The following RAD54L variants were observed in gnomAD, a reference collection of about 807,000 sequenced individuals.
The protein encoded by RAD54L is DNA repair and recombination protein RAD54-like.
RAD54L carries 74 observed loss-of-function variants against 91.6 expected under a neutral mutation model. The observed-to-expected ratio is 0.81, with a 90% CI of 0.67 to 0.98. The LOEUF is 0.98. RAD54L is among the 50% of genes least tolerant of loss of function. The pLI is 0.00. For missense variants in RAD54L, 887 were observed against 945.7 expected, an observed-to-expected ratio of 0.94 and a Z score of 0.81; for synonymous variants, 304 against 349.7, an observed-to-expected ratio of 0.87 and a Z score of 1.46.
intron 11 of RAD54L, 34 bp downstream of exon 11, chr1:46,272,574 C>G (rs752088111): frequency 6.2e-7 from 1 of 1,609,494 alleles, no homozygotes; most frequent in Non-Finnish European, 8.5e-7. Context: ...TGGAGTGGGT[C>G]AAAGCCTAGC....
intron 9 of RAD54L, among the ~76,000 whole-genome samples, chr1:46,268,831 TC>T (rs1321999133): frequency 1.3e-5 from 2 of 152,202 alleles, no homozygotes; most frequent in African/African-American, 4.8e-5. Flanking sequence ...AGCGTTGCAG[TC>T]ATAGCTCACT....
chr1:46,257,143 C>CA (rs576146179), intron 3 of RAD54L, among the ~76,000 whole-genome samples: 989 of 52,100 alleles, frequency 0.019, 7 homozygotes, highest in East Asian at 0.027. Context: ...GACTCCATCT[C>CA]AAAAAAAAAA....
In RAD54L at chr1:46,263,968, T is replaced by C. The variant is rs1408748438; in HGVS notation, c.891+2583T>C. The stretch of plus-strand genomic sequence containing the variant: ...GTGCACCACCACTCTGGCTAATTTT[T>C]GTATTTTTAGTAGAGATGGGGTTTC... On this transcript the variant is annotated intron_variant, in intron 8 of 17. Coordinates refer to ENST00000371975, the MANE Select transcript of RAD54L (RefSeq NM_003579.4). This position sits in a 1 kb window ranked among gnomAD's most constrained non-coding sequence, Gnocchi z 4.3. Among the ~76,000 whole-genome samples, 1 of 152,170 alleles carries C rather than the reference T, an allele frequency of 6.6e-6. No individual in the cohort carries two copies. Among genetic ancestry groups the C allele is most frequent in the Non-Finnish European group, 1.5e-5 (1 of 68,026 alleles).
Position 46,260,873 on chromosome 1 carries a change from G to A in RAD54L, c.624G>A (p.Lys208=). The change falls in exon 7 of 18, where the codon AAG becomes AAA. Residue 208 remains lysine, a synonymous_variant. Transcript: ENST00000371975. Reference sequence around the variant, plus strand: ...TTTTACGCCAGAGTCCAGAGTGCAAGCCAGAAATTGACAAGGCAGTGGTGG... The same window carrying A: ...TTTTACGCCAGAGTCCAGAGTGCAAACCAGAAATTGACAAGGCAGTGGTGG... The part of the protein sequence containing the change: ...WTLLRQSPEC[K]PEIDKAVVVS... 3.1e-6 allele frequency: 5 copies of A among 1,614,246 alleles called. No individual in the cohort carries two copies. The highest frequency in any genetic ancestry group is 4.2e-6 in the Non-Finnish European group (5 of 1,180,050).
At chr1:46,262,769 TG>T (rs1477528894) in intron 8 of RAD54L, among the ~76,000 whole-genome samples, 1 of 152,142 alleles carries the variant, frequency 6.6e-6, no homozygotes, top group East Asian at 1.9e-4. Flanking sequence ...GACATTTTTT[TG>T]CTTGACTAGT....
At chr1:46,256,895 G>C (rs901287360) in intron 3 of RAD54L, among the ~76,000 whole-genome samples, 1 of 152,018 alleles carries the variant, frequency 6.6e-6, no homozygotes, top group Non-Finnish European at 1.5e-5. Flanking sequence ...TATAATCCCA[G>C]CACTTTGGGA....
At chr1:46,269,287 A>T (rs1019007660) in intron 9 of RAD54L, among the ~76,000 whole-genome samples, 2 of 148,926 alleles carry the variant, frequency 1.3e-5, no homozygotes, top group Non-Finnish European at 3.0e-5. Context: ...GATATCCATT[A>T]GTGTGAATAT....
chr1:46,271,219 TG>T (rs1362839157), intron 10 of RAD54L, among the ~76,000 whole-genome samples: 2 of 152,128 alleles, frequency 1.3e-5, no homozygotes, highest in Admixed American at 1.3e-4. Flanking sequence ...GACTTTTTCA[TG>T]GGAGTTACAT....
chr1:46,259,361 C>A (rs1021950546), intron 4 of RAD54L, among the ~76,000 whole-genome samples: 2 of 152,116 alleles, frequency 1.3e-5, no homozygotes, highest in Admixed American at 6.5e-5. Flanking sequence ...TGAAAGTGCC[C>A]TTTAGAATTT....
At chr1:46,252,152 G>T (rs1386243420) in intron 3 of RAD54L, among the ~76,000 whole-genome samples, 2 of 152,160 alleles carry the variant, frequency 1.3e-5, no homozygotes, top group African/African-American at 2.4e-5. Flanking sequence ...AGAAGGAACA[G>T]CTTATTGGAA....
Position 46,267,526 on chromosome 1 carries a change from G to T in RAD54L, c.959G>T (p.Arg320Leu). The T allele has an allele frequency of 1.2e-6, 2 of 1,613,954 alleles. No homozygotes were observed. The highest frequency in any genetic ancestry group is 1.6e-4 in the Middle Eastern group (1 of 6,062). ...QALDSLNTSR[R>L]VLISGTPIQN... ...CTGGACAGCTTGAACACCAGCCGGC[G>T]GGTGCTCATCTCCGGAACTCCCATC... The change falls in exon 9 of 18, where the codon CGG becomes CTG. Residue 320 changes from arginine to leucine, a missense_variant. Coordinates refer to ENST00000371975, the MANE Select transcript of RAD54L (RefSeq NM_003579.4).
rs1394876286 is a variant in RAD54L, at chr1:46,270,567, G to T, written c.1043-92G>T. The T allele has an allele frequency of 4.6e-6, 7 of 1,535,146 alleles. No individual in the cohort carries two copies. The East Asian group carries it at 1.4e-4, about 30-fold the overall frequency. ...GTTTAGCCTTGTTCTTGGTAGGAAG[G>T]CTGGTTTGTGAGAAGGTAGTCTGCC... On this transcript the variant is annotated intron_variant, in intron 9 of 17. Coordinates refer to ENST00000371975, the MANE Select transcript of RAD54L (RefSeq NM_003579.4).
At chr1:46,271,902 G>A (rs1326502349) in intron 10 of RAD54L, among the ~76,000 whole-genome samples, 1 of 151,966 alleles carries the variant, frequency 6.6e-6, no homozygotes, top group Admixed American at 6.6e-5. Flanking sequence ...GTCTTCTCTT[G>A]AAGACTAGGC....
chr1:46,274,552 C>G lies in RAD54L; in HGVS notation c.1704C>G (p.Val568=). The change falls in exon 16 of 18, where the codon GTC becomes GTG. Residue 568 remains valine (V), a synonymous_variant. Coordinates refer to ENST00000371975, the MANE Select transcript of RAD54L (RefSeq NM_003579.4). ...TCTCTTTCCAGAGCCCTGACTTTGT[C>G]TTCATGCTGAGCAGCAAAGCTGGGG... The part of the protein sequence containing the change: ...RFNSPSSPDF[V]FMLSSKAGGC... 4.3e-6 allele frequency: 7 copies of G among 1,612,962 alleles called. No individual in the cohort carries two copies. The highest frequency in any genetic ancestry group is 5.9e-6 in the Non-Finnish European group (7 of 1,180,010).
chr1:46,274,775 C>A lies in RAD54L; in HGVS notation c.1869+58C>A. On this transcript the variant is annotated intron_variant, in intron 16 of 17. Transcript: ENST00000371975. ...GGGTCATGGAACGAGATCTTCAGGACCATCTTGTTCCTTAGTGCCTCTCTT... is the reference window on the plus strand; with the variant it reads ...GGGTCATGGAACGAGATCTTCAGGAACATCTTGTTCCTTAGTGCCTCTCTT... 2.5e-6 allele frequency: 4 copies of A among 1,595,706 alleles called. 1 individual carries two copies. The South Asian group carries it at 3.3e-5, about 13-fold the overall frequency.
rs1419184000 is a variant in RAD54L at position 46,265,567 on chromosome 1, C to A, written c.892-1892C>A. Among the ~76,000 whole-genome samples the A allele has an allele frequency of 6.6e-6, 1 of 152,182 alleles. No homozygotes were observed. Among genetic ancestry groups the A allele is most frequent in the Admixed American group, 6.5e-5 (1 of 15,282 alleles). ...AGGATTACAGGCATGAGCCACCATG[C>A]CCCGTTGGTTTATTTAATCTTTAAT... On this transcript the variant is annotated intron_variant, in intron 8 of 17. Coordinates refer to ENST00000371975, the MANE Select transcript of RAD54L (RefSeq NM_003579.4). This position sits in a 1 kb window ranked among gnomAD's most constrained non-coding sequence, Gnocchi z 4.8.
At chr1:46,267,680 G>T in intron 9 of RAD54L, 71 bp downstream of exon 9, 1 of 1,523,430 alleles carries the variant, frequency 6.6e-7, no homozygotes, top group South Asian at 1.1e-5. Context: ...AACTCCAGCT[G>T]AGGAGAGAAA....
chr1:46,267,256 G>T (rs1891338), intron 8 of RAD54L, among the ~76,000 whole-genome samples: 4,383 of 152,208 alleles, frequency 0.029, 211 homozygotes, highest in African/African-American at 0.1. Flanking sequence ...TAGAGATGGG[G>T]TTTCACCACA....
At chr1:46,271,361 A>G (rs779689506) in intron 10 of RAD54L, among the ~76,000 whole-genome samples, 9 of 152,112 alleles carry the variant, frequency 5.9e-5, no homozygotes, top group Non-Finnish European at 1.0e-4. Context: ...CTCCCTACCA[A>G]TTTTAGATGG....
Sources: gnomAD v4.1 joint callset for allele counts (sites outside exome capture counted in the v4.1 genomes callset) on GRCh38, gnomAD v4.1.1 for gene constraint, Gnocchi (gnomAD v3.1) non-coding constraint, MANE v1.5 for transcripts, NCBI Gene and HGNC (gene_info 2026-07-23, HGNC 2026-07-21) for gene names.